Variants in AMPD3 observed in about 807,000 individuals in gnomAD.
AMPD3 encodes adenosine monophosphate deaminase 3.
AMPD3 carries 57 observed loss-of-function variants against 82.3 expected under a neutral mutation model. That is an observed-to-expected ratio of 0.69 (90% CI 0.56 to 0.86). The LOEUF is 0.86. Among genes scored for constraint, AMPD3 ranks in the 40% least tolerant of loss-of-function variants. AMPD3 has a pLI of 0.00. For synonymous variants in AMPD3, 381 were observed against 394.7 expected, an observed-to-expected ratio of 0.97 and a Z score of 0.41; for missense variants, 870 against 1,003.8, an observed-to-expected ratio of 0.87 and a Z score of 1.80.
intron 3 of AMPD3, 73 bp downstream of exon 3, chr11:10,478,803 G>T (rs1413718596): frequency 1.3e-6 from 2 of 1,502,830 alleles, no homozygotes; most frequent in African/African-American, 2.8e-5. Flanking sequence ...ACAGGGTCGT[G>T]CCTCCCTCTG....
chr11:10,456,000 C>T (rs1400955134), intron 1 of AMPD3: 1 of 985,278 alleles, frequency 1.0e-6, no homozygotes, highest in Non-Finnish European at 1.2e-6. Context: ...TGGCTTATCT[C>T]CTGCAGCTGG....
intron 13 of AMPD3, chr11:10,504,251 T>C: frequency 1.0e-6 from 1 of 984,520 alleles, no homozygotes; most frequent in Non-Finnish European, 1.2e-6. Context: ...ACTAGAGGGC[T>C]TGTCACAGGA....
chr11:10,456,159 C>T lies in AMPD3; in HGVS notation c.-6+711C>T. On this transcript the variant is annotated intron_variant, in intron 1 of 14. Coordinates refer to ENST00000396553, the MANE Select transcript of AMPD3 (RefSeq NM_001025389.2). The surrounding 1 kb of genome is among the most constrained non-coding windows in gnomAD (Gnocchi z 4.3). The stretch of plus-strand genomic sequence containing the variant: ...GGGATTACCTGGGGACTTCAGGGCT[C>T]TTGGAAATTTTCCACTCATATTTCA... The T allele has an allele frequency of 7.2e-7, 1 of 1,396,910 alleles. No homozygotes were observed. The highest frequency in any genetic ancestry group is 1.7e-5 in the South Asian group (1 of 60,402). The allele number at this position is 1,396,910 out of a possible 1,614,324, so 86.5% of individuals were successfully genotyped here. A position where few individuals can be genotyped will look rare whatever the true frequency, so the allele number is the denominator to read the frequency against.
chr11:10,455,410 G>A lies in AMPD3; in HGVS notation c.-44G>A, dbSNP rs1346616283. ...GGAGGAGTGGCAGAGTCCAGCCAGC[G>A]CTCGGAGCTGGAGGCCCACGTGGGA... is the stretch of plus-strand genomic sequence containing the variant. On this transcript the variant is annotated 5_prime_UTR_variant, in exon 1 of 15. Coordinates refer to ENST00000396553, the MANE Select transcript of AMPD3 (RefSeq NM_001025389.2). The A allele has an allele frequency of 6.1e-6, 6 of 985,252 alleles. No homozygotes were observed. The highest frequency in any genetic ancestry group is 7.2e-6 in the Non-Finnish European group (6 of 829,856). 61.0% of individuals were successfully genotyped at this position (985,252 alleles called of 1,614,324 possible).
chr11:10,494,081 G>A (rs1374880233), intron 7 of AMPD3, among the ~76,000 whole-genome samples: 4 of 152,114 alleles, frequency 2.6e-5, no homozygotes, highest in East Asian at 1.9e-4. Flanking sequence ...AGAAACAGCC[G>A]GTGTTCATCA....
Position 10,487,380 on chromosome 11 carries a change from G to A in AMPD3, c.939+16G>A. On this transcript the variant is annotated intron_variant, in intron 6 of 14. Coordinates refer to ENST00000396553, the MANE Select transcript of AMPD3 (RefSeq NM_001025389.2). ...CGTGAGAAAGGTGCGTTAGGGGCGA[G>A]TGTTCACAGCTGCCTCACCCGGTCC... 6.2e-7 allele frequency: 1 copy of A among 1,613,804 alleles called. No individual in the cohort carries two copies. The highest frequency in any genetic ancestry group is 8.5e-7 in the Non-Finnish European group (1 of 1,179,798).
intron 2 of AMPD3, among the ~76,000 whole-genome samples, chr11:10,473,784 A>C (rs1300013031): frequency 6.6e-6 from 1 of 152,178 alleles, no homozygotes; most frequent in Non-Finnish European, 1.5e-5. Context: ...TCCCAATTCC[A>C]GGTGAGCCAA....
chr11:10,486,484 C>T (rs1160447512), intron 5 of AMPD3: 2 of 914,286 alleles, frequency 2.2e-6, no homozygotes, highest in Non-Finnish European at 2.6e-6. Context: ...CCCCCATCCC[C>T]AAAGGCCTTT....
At chr11:10,466,048 C>T (rs941000593) in intron 2 of AMPD3, among the ~76,000 whole-genome samples, 9 of 152,068 alleles carry the variant, frequency 5.9e-5, no homozygotes, top group Non-Finnish European at 8.8e-5. Context: ...GATCACCTGA[C>T]GTCAGGAGTT....
At chr11:10,453,066 C>T (rs550987737), upstream of AMPD3, among the ~76,000 whole-genome samples, 8 of 152,340 alleles carry the variant, frequency 5.3e-5, no homozygotes, top group East Asian at 1.5e-3. Context: ...TCTCCTGCCT[C>T]AGCTTCCCAA....
At chr11:10,465,701 C>T (rs753892434) in intron 2 of AMPD3, among the ~76,000 whole-genome samples, 3 of 152,228 alleles carry the variant, frequency 2.0e-5, no homozygotes, top group Non-Finnish European at 4.4e-5. Flanking sequence ...GTGCTTTTCC[C>T]ATGGTCCTTG....
intron 4 of AMPD3, chr11:10,484,422 A>C (rs1849003141): frequency 1.0e-6 from 1 of 985,262 alleles, no homozygotes; most frequent in Admixed American, 6.2e-5. Context: ...TCCTGGGAGA[A>C]GACACCGCTG....
intron 7 of AMPD3, chr11:10,494,693 G>A (rs1487928240): frequency 1.0e-6 from 1 of 985,262 alleles, no homozygotes; most frequent in Non-Finnish European, 1.2e-6. Flanking sequence ...TTCCTTCACA[G>A]GGGGCCTTGC....
rs1028714961 is a variant in AMPD3 at position 10,499,798 on chromosome 11, G to C, written c.1558-288G>C. 3 of 985,294 alleles carry C rather than the reference G, an allele frequency of 3.0e-6. No homozygotes were observed. In the African/African-American group the frequency reaches 5.2e-5, roughly 17 times the overall value. The allele number at this position is 985,294 out of a possible 1,614,324, so 61.0% of individuals were successfully genotyped here. A position where few individuals can be genotyped will look rare whatever the true frequency, so the allele number is the denominator to read the frequency against. ...CCATGGCTGCTTTGCCCTTCACCTG[G>C]CTTGGCAGTTTCCTCCACTGTCACC... On this transcript the variant is annotated intron_variant, in intron 10 of 14. Transcript: ENST00000396553.
At chr11:10,457,616 G>A (rs1016813991) in intron 1 of AMPD3, among the ~76,000 whole-genome samples, 4 of 152,180 alleles carry the variant, frequency 2.6e-5, no homozygotes, top group Non-Finnish European at 5.9e-5. Flanking sequence ...TGCTTTGTGC[G>A]CTGGTATGAT....
At chr11:10,488,283 G>A (rs965594376) in intron 6 of AMPD3, 10 of 985,330 alleles carry the variant, frequency 1.0e-5, no homozygotes, top group African/African-American at 3.5e-5. Flanking sequence ...GCTAGGCAGG[G>A]GGTGTTTGAT....
At chr11:10,499,877 A>T in intron 10 of AMPD3, 3 of 985,354 alleles carry the variant, frequency 3.0e-6, no homozygotes, top group Non-Finnish European at 3.6e-6. Context: ...GTACCTATGG[A>T]AGCTCCGAAG....
upstream of AMPD3, among the ~76,000 whole-genome samples, chr11:10,454,732 C>G (rs1213831188): frequency 6.6e-6 from 1 of 152,216 alleles, no homozygotes; most frequent in Non-Finnish European, 1.5e-5. Flanking sequence ...AATCCTCCCA[C>G]TGCAGTCCCC....
At chr11:10,478,182 C>T (rs1848794862) in intron 2 of AMPD3, 2 of 985,242 alleles carry the variant, frequency 2.0e-6, no homozygotes, top group South Asian at 9.4e-5. Flanking sequence ...TTGCTATTGT[C>T]CTCCCCTCTA....
Sources: gnomAD v4.1 joint callset for allele counts (sites outside exome capture counted in the v4.1 genomes callset) on GRCh38, gnomAD v4.1.1 for gene constraint, Gnocchi (gnomAD v3.1) non-coding constraint, MANE v1.5 for transcripts, NCBI Gene and HGNC (gene_info 2026-07-23, HGNC 2026-07-21) for gene names.